Variants in SRD5A2 observed in about 807,000 individuals in gnomAD.
SRD5A2 encodes the protein steroid 5 alpha-reductase 2.
SRD5A2 carries 30 observed loss-of-function variants against 27.4 expected under a neutral mutation model. That is an observed-to-expected ratio of 1.10 (90% CI 0.82 to 1.49). SRD5A2 has a LOEUF of 1.49. SRD5A2 is among the 40% of genes most tolerant of loss of function. The pLI is 0.00. For synonymous variants in SRD5A2, 141 were observed against 133.6 expected (o/e 1.06, Z -0.38); for missense variants, 348 against 323.4 (o/e 1.08, Z -0.58).
rs774936492 is a variant in SRD5A2, at chr2:31,533,759, C to G, written c.289G>C (p.Val97Leu). 3 of 1,602,832 alleles carry G rather than the reference C, an allele frequency of 1.9e-6. No homozygotes were observed. The highest frequency in any genetic ancestry group is 1.7e-6 in the Non-Finnish European group (2 of 1,174,720). ...CTCCCTCGATTGAGCAGTGAGTACA[C>G]AAATGTCCTGGGACACACAGGGAGG... is the stretch of plus-strand genomic sequence containing the variant. ...FCLHYFHRTF[V>L]YSLLNRGRPY... is the part of the protein sequence containing the mutation. The change falls in exon 2 of 5, where the codon GTG becomes CTG. Residue 97 changes from valine to leucine, a missense_variant. Val to Leu is a conservative substitution (Grantham distance 32). Transcript: ENST00000622030.
chr2:31,645,228 T>C, the SRD5A2 span, among the ~76,000 whole-genome samples: 1 of 152,072 alleles, frequency 6.6e-6, no homozygotes, highest in Non-Finnish European at 1.5e-5. Context: ...TTAGAAAAAA[T>C]GAATAAGACC....
intron 1 of SRD5A2, among the ~76,000 whole-genome samples, chr2:31,540,657 A>G (rs1358981991): frequency 6.6e-6 from 1 of 152,216 alleles, no homozygotes; most frequent in African/African-American, 2.4e-5. Context: ...TCTGGAGTCT[A>G]TTGAAGGCTT....
upstream of SRD5A2, among the ~76,000 whole-genome samples, chr2:31,585,624 G>A (rs1347159906): frequency 6.6e-6 from 1 of 152,176 alleles, no homozygotes; most frequent in Non-Finnish European, 1.5e-5. Context: ...TAGCTGAAAA[G>A]CCCTTTGGCT....
the SRD5A2 span, among the ~76,000 whole-genome samples, chr2:31,649,833 G>A: frequency 6.6e-6 from 1 of 151,988 alleles, no homozygotes; most frequent in African/African-American, 2.4e-5. Flanking sequence ...CCCTAGAGTT[G>A]CATATTTCTG....
chr2:31,578,689 G>C (rs1340224368), intron 1 of SRD5A2, among the ~76,000 whole-genome samples: 1 of 152,154 alleles, frequency 6.6e-6, no homozygotes, highest in African/African-American at 2.4e-5. Context: ...TTTCCCTCAG[G>C]CAGAATGAAT....
At chr2:31,662,734 A>G in the SRD5A2 span, among the ~76,000 whole-genome samples, 1 of 152,142 alleles carries the variant, frequency 6.6e-6, no homozygotes, top group Non-Finnish European at 1.5e-5. Context: ...TGTTCATCCA[A>G]TCACTCTCAT....
At chr2:31,570,533 A>G (rs963802058) in intron 1 of SRD5A2, among the ~76,000 whole-genome samples, 1 of 152,216 alleles carries the variant, frequency 6.6e-6, no homozygotes, top group African/African-American at 2.4e-5. Context: ...CAGAGCAATC[A>G]GGTAAGAGAA....
At chr2:31,657,261 TG>T in the SRD5A2 span, among the ~76,000 whole-genome samples, 2 of 152,212 alleles carry the variant, frequency 1.3e-5, no homozygotes, top group African/African-American at 4.8e-5. Context: ...AAACTGGGTG[TG>T]GGGTATGAGA....
At chr2:31,638,825 T>C in the SRD5A2 span, among the ~76,000 whole-genome samples, 1 of 151,958 alleles carries the variant, frequency 6.6e-6, no homozygotes, top group Non-Finnish European at 1.5e-5. Flanking sequence ...ACTAGGGTTC[T>C]TGAAGACAGT....
chr2:31,578,179 T>C (rs997080388), intron 1 of SRD5A2, among the ~76,000 whole-genome samples: 8 of 152,152 alleles, frequency 5.3e-5, no homozygotes, highest in South Asian at 2.1e-4. Flanking sequence ...GATGTAATTA[T>C]GAGTATTTTC....
chr2:31,594,995 A>G, the SRD5A2 span, among the ~76,000 whole-genome samples: 4 of 152,310 alleles, frequency 2.6e-5, no homozygotes, highest in African/African-American at 7.2e-5. Context: ...GAAATTTTTT[A>G]AATTCCTTGA....
upstream of SRD5A2, among the ~76,000 whole-genome samples, chr2:31,581,477 C>T (rs1667082940): frequency 6.6e-6 from 1 of 152,130 alleles, no homozygotes; most frequent in African/African-American, 2.4e-5. Flanking sequence ...TGCTCTGGGG[C>T]GCCGCGCTCC....
chr2:31,659,091 C>T, the SRD5A2 span, among the ~76,000 whole-genome samples: 1 of 150,932 alleles, frequency 6.6e-6, no homozygotes, highest in Admixed American at 6.6e-5. Context: ...ATTACATAAA[C>T]AGAACTAGAT....
At chr2:31,650,241 G>A in the SRD5A2 span, among the ~76,000 whole-genome samples, 4 of 152,058 alleles carry the variant, frequency 2.6e-5, no homozygotes, top group Non-Finnish European at 4.4e-5. Context: ...GCATTCTCAC[G>A]CGTGAGATGG....
At chr2:31,642,400 A>G in the SRD5A2 span, among the ~76,000 whole-genome samples, 4 of 152,072 alleles carry the variant, frequency 2.6e-5, no homozygotes, top group African/African-American at 9.6e-5. Flanking sequence ...AATATTAAAA[A>G]GACAAAAACC....
the SRD5A2 span, among the ~76,000 whole-genome samples, chr2:31,592,863 T>C: frequency 2.0e-5 from 3 of 152,136 alleles, no homozygotes; most frequent in East Asian, 5.8e-4. Context: ...ATAAAGAATT[T>C]AGAATGTTAA....
the SRD5A2 span, among the ~76,000 whole-genome samples, chr2:31,604,480 C>A: frequency 6.6e-6 from 1 of 151,648 alleles, no homozygotes. Context: ...AATCAACATA[C>A]AAAATTCAGT....
At chr2:31,612,811 A>T in the SRD5A2 span, among the ~76,000 whole-genome samples, 82 of 152,322 alleles carry the variant, frequency 5.4e-4, no homozygotes, top group East Asian at 4.0e-3. Context: ...ATTGGAATTT[A>T]AAAAAGGCAT....
At chr2:31,551,806 T>C (rs753253937) in intron 1 of SRD5A2, among the ~76,000 whole-genome samples, 19 of 152,178 alleles carry the variant, frequency 1.2e-4, no homozygotes, top group African/African-American at 4.3e-4. Flanking sequence ...TAAATAGTTA[T>C]AGTGATCAAG....
Sources: gnomAD v4.1 joint callset for allele counts (sites outside exome capture counted in the v4.1 genomes callset) on GRCh38, gnomAD v4.1.1 for gene constraint, MANE v1.5 for transcripts, NCBI Gene and HGNC (gene_info 2026-07-23, HGNC 2026-07-21) for gene names.